Variants in PLXNA4 observed in about 807,000 individuals in gnomAD.
PLXNA4 encodes the protein plexin A4.
In PLXNA4, 44 loss-of-function variants were observed where a neutral mutation model predicts 191.8. That is an observed-to-expected ratio of 0.23 (90% CI 0.18 to 0.29). The LOEUF (loss-of-function observed/expected upper bound fraction) is 0.29. PLXNA4 is among the 10% of genes least tolerant of loss of function. The pLI is 1.00. For missense variants in PLXNA4, 1,800 were observed against 2,488.8 expected, an observed-to-expected ratio of 0.72 and a Z score of 5.89; for synonymous variants, 1,082 against 1,009.5, an observed-to-expected ratio of 1.07 and a Z score of -1.36.
intron 3 of PLXNA4, among the ~76,000 whole-genome samples, chr7:132,349,820 A>T (rs1803410459): frequency 6.6e-6 from 1 of 152,108 alleles, no homozygotes; most frequent in African/African-American, 2.4e-5. Context: ...GTATCTTGCC[A>T]TCAAATGCCC....
intron 25 of PLXNA4, among the ~76,000 whole-genome samples, chr7:132,151,400 AGGAGGAG>A (rs1795614984): frequency 1.4e-5 from 1 of 70,766 alleles, no homozygotes. Context: ...AAGGAGGAGG[AGGAGGAG>A]GAAGGAGGAG....
intron 3 of PLXNA4, among the ~76,000 whole-genome samples, chr7:132,473,725 A>G (rs1046698355): frequency 5.3e-5 from 8 of 152,164 alleles, no homozygotes; most frequent in Admixed American, 4.6e-4. Context: ...AGTTTCAGTC[A>G]TATTAGAGAA....
chr7:132,541,719 G>C lies in PLXNA4; in HGVS notation c.-86-32940C>G, dbSNP rs1800095974. ...ACCATTTTCGAGGACACTTTAAATA[G>C]AGCATGGGTTGCTGCTTTCAATTTA... On this transcript the variant is annotated intron_variant, in intron 1 of 31. Transcript: ENST00000321063. 2.6e-5 allele frequency among the ~76,000 whole-genome samples: 4 copies of C among 152,264 alleles called. No individual in the cohort carries two copies. The South Asian group carries it at 8.3e-4, about 32-fold the overall frequency.
chr7:132,587,980 C>T (rs1802533107), intron 2 of PLXNA4, among the ~76,000 whole-genome samples: 1 of 151,944 alleles, frequency 6.6e-6, no homozygotes, highest in Non-Finnish European at 1.5e-5. Flanking sequence ...CATTCTATGT[C>T]CAGACTCCTT....
rs139596545 is a variant in PLXNA4, at chr7:132,575,320, G to A, written c.-87+1102C>T. 3.5e-3 allele frequency among the ~76,000 whole-genome samples: 527 copies of A among 152,268 alleles called. 4 individuals carry two copies. Among genetic ancestry groups the A allele is most frequent in the African/African-American group, 0.012 (504 of 41,532 alleles). Reference sequence around the variant, plus strand: ...TTCGGGAAATAGGACCTTAAAGCACGGGCGTCTGGGGAGTGATTCTACAAT... The same window carrying A: ...TTCGGGAAATAGGACCTTAAAGCACAGGCGTCTGGGGAGTGATTCTACAAT... On this transcript the variant is annotated intron_variant, in intron 1 of 31. Coordinates refer to ENST00000321063, the MANE Select transcript of PLXNA4 (RefSeq NM_020911.2).
intron 3 of PLXNA4, among the ~76,000 whole-genome samples, chr7:132,320,784 T>C (rs1584988102): frequency 6.6e-6 from 1 of 152,264 alleles, no homozygotes; most frequent in East Asian, 1.9e-4. Flanking sequence ...CGGGAACTTG[T>C]TAGAAATGCC....
intron 3 of PLXNA4, among the ~76,000 whole-genome samples, chr7:132,382,602 A>G (rs1804941511): frequency 6.6e-6 from 1 of 152,222 alleles, no homozygotes; most frequent in South Asian, 2.1e-4. Flanking sequence ...TATTTTGCAA[A>G]TGGCTGCTAC....
chr7:132,562,657 TC>T, intron 1 of PLXNA4, among the ~76,000 whole-genome samples: 1 of 98,480 alleles, frequency 1.0e-5, no homozygotes, highest in African/African-American at 4.4e-5. Flanking sequence ...CTCCTCCTCC[TC>T]CTTCTCTTCC....
At chr7:132,622,051 T>C (rs1479269623) in intron 2 of PLXNA4, among the ~76,000 whole-genome samples, 1 of 152,148 alleles carries the variant, frequency 6.6e-6, no homozygotes, top group Non-Finnish European at 1.5e-5. Context: ...TTCCCAGACT[T>C]CTTGGTGGTT....
At chr7:132,528,891 G>A (rs1201568208) in intron 1 of PLXNA4, among the ~76,000 whole-genome samples, 2 of 152,290 alleles carry the variant, frequency 1.3e-5, no homozygotes, top group Non-Finnish European at 2.9e-5. Flanking sequence ...CTACCAGAAG[G>A]CGAAAGCATC....
At chr7:132,641,913 T>C (rs796623380) in intron 2 of PLXNA4, among the ~76,000 whole-genome samples, 3 of 152,296 alleles carry the variant, frequency 2.0e-5, no homozygotes, top group African/African-American at 7.2e-5. Flanking sequence ...CATCATAAGA[T>C]AGCATTTAAA....
At chr7:132,478,630 C>T (rs1554448536) in intron 3 of PLXNA4, among the ~76,000 whole-genome samples, 1 of 152,172 alleles carries the variant, frequency 6.6e-6, no homozygotes, top group Non-Finnish European at 1.5e-5. Flanking sequence ...ATAAGGCACC[C>T]ATATATGATC....
At chr7:132,383,766 T>G in intron 3 of PLXNA4, 1 of 984,976 alleles carries the variant, frequency 1.0e-6, no homozygotes, top group Non-Finnish European at 1.2e-6. Flanking sequence ...AATTGATTCT[T>G]TAAAAAATTG....
intron 7 of PLXNA4, 110 bp downstream of exon 7, chr7:132,227,341 T>G (rs1780711505): frequency 3.5e-6 from 5 of 1,445,584 alleles, no homozygotes. Flanking sequence ...CCCCTTCCTC[T>G]GACTCTCTCC....
chr7:132,236,127 G>A lies in PLXNA4; in HGVS notation c.1604+4939C>T, dbSNP rs560034174. Among the ~76,000 whole-genome samples, 5 of 152,264 alleles carry A rather than the reference G, an allele frequency of 3.3e-5. No homozygotes were observed. In the East Asian group the frequency reaches 9.7e-4, roughly 29 times the overall value. On this transcript the variant is annotated intron_variant, in intron 5 of 31. Coordinates refer to ENST00000321063, the MANE Select transcript of PLXNA4 (RefSeq NM_020911.2). ...AGGAGAGAGGATTTAAATTACACGA[G>A]CCTTTCTTAAGCATGTTTTGTGCAA... is the stretch of plus-strand genomic sequence containing the variant.
At chr7:132,501,777 T>A (rs907138809) in intron 2 of PLXNA4, among the ~76,000 whole-genome samples, 10 of 152,174 alleles carry the variant, frequency 6.6e-5, no homozygotes, top group African/African-American at 2.2e-4. Flanking sequence ...AGGCACCCAG[T>A]GCTAAATAAG....
rs1797178524 is a variant in PLXNA4 at position 132,194,157 on chromosome 7, C to G, written c.2761G>C (p.Ala921Pro). ...AAGCCTGCATGCTGGCTGGGCTTGG[C>G]CTCCCCCATCTCACACACGATCCTG... ...AEQIVCEMGE[A>P]KPSQHAGFVE... is the part of the protein sequence containing the mutation. The change falls in exon 14 of 32, where the codon GCC becomes CCC. Residue 921 changes from alanine to proline, a missense_variant. Physicochemically the swap from Ala to Pro is conservative, Grantham distance 27. This residue lies in a region of PLXNA4 where 1,397 missense variants were observed against 1,880.4 expected (regional missense o/e 0.74). Transcript: ENST00000321063. 1 of 1,613,696 alleles carries G rather than the reference C, an allele frequency of 6.2e-7. No homozygotes were observed. The highest frequency in any genetic ancestry group is 2.2e-5 in the East Asian group (1 of 44,882).
chr7:132,214,867 T>C (rs1797916568), intron 9 of PLXNA4, among the ~76,000 whole-genome samples: 1 of 152,192 alleles, frequency 6.6e-6, no homozygotes, highest in African/African-American at 2.4e-5. Context: ...TAACCATGAC[T>C]AGGGACTGAA....
intron 3 of PLXNA4, among the ~76,000 whole-genome samples, chr7:132,403,408 C>T (rs1194625454): frequency 6.6e-6 from 1 of 152,176 alleles, no homozygotes; most frequent in Non-Finnish European, 1.5e-5. Context: ...GAGCTGGCAG[C>T]GTGAGCCTAA....
Sources: allele counts gnomAD v4.1 joint callset (sites outside exome capture counted in the v4.1 genomes callset), GRCh38; gene constraint gnomAD v4.1.1; regional missense constraint gnomAD v4.1.1; transcripts MANE v1.5; gene names NCBI Gene and HGNC (gene_info 2026-07-23, HGNC 2026-07-21).